Variants in APP observed in about 807,000 individuals in gnomAD.
APP encodes amyloid beta precursor protein.
In APP, 31 loss-of-function variants were observed where a neutral mutation model predicts 101.4. The ratio of observed to expected loss-of-function variants is 0.31; its 90% confidence interval spans 0.23 to 0.41. The LOEUF is 0.41. Ranked by LOEUF, APP falls within the 10% of genes least tolerant of loss-of-function variation. The probability of loss-of-function intolerance (pLI) is 1.00; values close to 1 mark genes in which losing one functional copy is unlikely to be tolerated. For synonymous variants in APP, 366 were observed against 364.4 expected (o/e 1.00, Z -0.05); for missense variants, 839 against 1,003.7 (o/e 0.84, Z 2.22).
At chr21:26,163,605 T>C (rs1156960002) in intron 1 of APP, among the ~76,000 whole-genome samples, 1 of 152,250 alleles carries the variant, frequency 6.6e-6, no homozygotes, top group East Asian at 1.9e-4. Context: ...ATCACAAATA[T>C]GGCTTCTGTC....
chr21:26,097,843 G>A (rs2061979496), intron 2 of APP, among the ~76,000 whole-genome samples: 1 of 152,130 alleles, frequency 6.6e-6, no homozygotes, highest in Non-Finnish European at 1.5e-5. Flanking sequence ...CACTTTGGGA[G>A]GCCAAGACGG....
intron 3 of APP, among the ~76,000 whole-genome samples, chr21:26,080,527 G>C (rs1193329367): frequency 6.6e-6 from 1 of 151,822 alleles, no homozygotes; most frequent in African/African-American, 2.4e-5. Flanking sequence ...TCAGTACTTT[G>C]GGAGGCTGAG....
At chr21:25,895,282 C>G (rs906737972) in intron 16 of APP, among the ~76,000 whole-genome samples, 1 of 151,912 alleles carries the variant, frequency 6.6e-6, no homozygotes, top group Non-Finnish European at 1.5e-5. Context: ...TCTCTTGCCT[C>G]AGCCTCCCGA....
chr21:26,100,918 G>C (rs1010436228), intron 2 of APP, among the ~76,000 whole-genome samples: 1 of 152,126 alleles, frequency 6.6e-6, no homozygotes, highest in Non-Finnish European at 1.5e-5. Context: ...CTGCATTTGA[G>C]GCTTAACCTG....
intron 3 of APP, among the ~76,000 whole-genome samples, chr21:26,061,043 G>A (rs1437961741): frequency 3.9e-5 from 6 of 152,216 alleles, no homozygotes; most frequent in Admixed American, 3.9e-4. Context: ...GAAGTGAGAA[G>A]ACCAGGAAGG....
intron 1 of APP, among the ~76,000 whole-genome samples, chr21:26,118,817 C>T (rs199843425): frequency 9.9e-5 from 15 of 151,724 alleles, no homozygotes; most frequent in Admixed American, 9.2e-4. Context: ...TGGGATTATA[C>T]GCATGAGCCA....
At chr21:26,088,999 G>A (rs1001908421) in intron 3 of APP, among the ~76,000 whole-genome samples, 5 of 152,080 alleles carry the variant, frequency 3.3e-5, no homozygotes, top group Non-Finnish European at 5.9e-5. Flanking sequence ...ATAGATCTCC[G>A]GAATCTTCAG....
intron 1 of APP, among the ~76,000 whole-genome samples, chr21:26,156,354 G>C (rs940227525): frequency 1.3e-5 from 2 of 152,182 alleles, no homozygotes; most frequent in Non-Finnish European, 2.9e-5. Flanking sequence ...AGCAGAGATA[G>C]TTTCTAGAGA....
At chr21:26,114,912 C>A (rs1371019877) in intron 1 of APP, among the ~76,000 whole-genome samples, 2 of 151,982 alleles carry the variant, frequency 1.3e-5, no homozygotes, top group Non-Finnish European at 2.9e-5. Context: ...TTAATGCCAT[C>A]TGTTGGCATA....
chr21:26,066,257 ACCC>A (rs1344226199), intron 3 of APP, among the ~76,000 whole-genome samples: 38 of 152,240 alleles, frequency 2.5e-4, no homozygotes, highest in African/African-American at 8.4e-4. Flanking sequence ...ACTTAAGATA[ACCC>A]ATTACAACTA....
chr21:26,051,439 T>A (rs1008663615), intron 4 of APP, among the ~76,000 whole-genome samples: 14 of 152,240 alleles, frequency 9.2e-5, no homozygotes, highest in African/African-American at 3.4e-4. Flanking sequence ...AATAGAGGTT[T>A]ATACGAACAA....
chr21:25,896,284 T>C (rs1432780676), intron 16 of APP, among the ~76,000 whole-genome samples: 5 of 152,214 alleles, frequency 3.3e-5, no homozygotes, highest in Admixed American at 2.0e-4. Context: ...GTCAGTTTTT[T>C]ATTTGCTACA....
chr21:26,084,854 G>T (rs1016708165), intron 3 of APP, among the ~76,000 whole-genome samples: 1 of 152,146 alleles, frequency 6.6e-6, no homozygotes, highest in Non-Finnish European at 1.5e-5. Flanking sequence ...CATACTGTAT[G>T]TATAAAGCTC....
chr21:26,084,538 G>A (rs142323739), intron 3 of APP, among the ~76,000 whole-genome samples: 4 of 174 alleles, frequency 0.023, no homozygotes, highest in African/African-American at 0.087. Flanking sequence ...GCGCCCGGCC[G>A]AAGACACCAT....
intron 17 of APP, among the ~76,000 whole-genome samples, chr21:25,890,588 A>C (rs2037624751): frequency 1.3e-5 from 2 of 152,102 alleles, no homozygotes; most frequent in African/African-American, 4.8e-5. Flanking sequence ...TAAAAACAAA[A>C]ATTAGCCGGG....
chr21:25,938,724 A>T (rs770766594), intron 13 of APP, among the ~76,000 whole-genome samples: 1 of 152,174 alleles, frequency 6.6e-6, no homozygotes, highest in Non-Finnish European at 1.5e-5. Flanking sequence ...CCATCCAAGG[A>T]CTTAAAGCAG....
intron 16 of APP, among the ~76,000 whole-genome samples, chr21:25,892,364 C>T (rs759981431): frequency 1.3e-5 from 2 of 152,178 alleles, no homozygotes; most frequent in Non-Finnish European, 2.9e-5. Context: ...TGTTTTTCAA[C>T]TCTGCAGATG....
Position 25,973,534 on chromosome 21 carries a change from C to A in APP, c.1458+1536G>T, listed in dbSNP as rs186754175. Among the ~76,000 whole-genome samples, 202 of 152,230 alleles carry A rather than the reference C, an allele frequency of 1.3e-3. 1 individual carries two copies. Among genetic ancestry groups the A allele is most frequent in the African/African-American group, 4.6e-3 (193 of 41,520 alleles). On this transcript the variant is annotated intron_variant, in intron 11 of 17. Transcript: ENST00000346798. ...CCTAACAGCCTGGAACATTTACACGCCTAAAAACACAGCCTCAAACTATAC... is the reference window on the plus strand; with the variant it reads ...CCTAACAGCCTGGAACATTTACACGACTAAAAACACAGCCTCAAACTATAC...
At chr21:25,922,987 A>T (rs2039697855) in intron 13 of APP, among the ~76,000 whole-genome samples, 1 of 147,592 alleles carries the variant, frequency 6.8e-6, no homozygotes, top group African/African-American at 2.5e-5. Flanking sequence ...CTATACTACA[A>T]GGCTACAGTA....
Sources: gnomAD v4.1 joint callset for allele counts (sites outside exome capture counted in the v4.1 genomes callset) on GRCh38, gnomAD v4.1.1 for gene constraint, MANE v1.5 for transcripts, NCBI Gene and HGNC (gene_info 2026-07-23, HGNC 2026-07-21) for gene names.